Variants in ADGRB3 observed in about 807,000 individuals in gnomAD.
The protein encoded by ADGRB3 is adhesion G protein-coupled receptor B3.
A neutral mutation model predicts 193.4 loss-of-function variants in ADGRB3; 37 were observed. That is an observed-to-expected ratio of 0.19 (90% confidence interval 0.15 to 0.25). The LOEUF is 0.25. Ranked by LOEUF, ADGRB3 falls within the 10% of genes least tolerant of loss-of-function variation. The probability of loss-of-function intolerance (pLI) is 1.00; values close to 1 mark genes in which losing one functional copy is unlikely to be tolerated. For missense variants in ADGRB3, 1,637 were observed against 1,852.9 expected (o/e 0.88, Z 2.14); for synonymous variants, 690 against 644.2 (o/e 1.07, Z -1.08).
At chr6:68,990,998 T>C (rs1769221992) in intron 10 of ADGRB3, among the ~76,000 whole-genome samples, 1 of 152,238 alleles carries the variant, frequency 6.6e-6, no homozygotes, top group South Asian at 2.1e-4. Context: ...TCACCCTTCA[T>C]GCATATCCTG....
At chr6:68,665,059 C>T (rs868217257) in intron 3 of ADGRB3, among the ~76,000 whole-genome samples, 1 of 151,782 alleles carries the variant, frequency 6.6e-6, no homozygotes, top group African/African-American at 2.4e-5. Context: ...CAGGCTTCAC[C>T]TTCAGCCTTC....
At chr6:69,247,939 G>A (rs1371676556) in intron 20 of ADGRB3, among the ~76,000 whole-genome samples, 1 of 152,036 alleles carries the variant, frequency 6.6e-6, no homozygotes, top group African/African-American at 2.4e-5. Context: ...TGATATAAGG[G>A]AGTTGAAGAA....
chr6:68,694,136 A>G (rs1765120463), intron 3 of ADGRB3, among the ~76,000 whole-genome samples: 1 of 152,002 alleles, frequency 6.6e-6, no homozygotes, highest in Non-Finnish European at 1.5e-5. Flanking sequence ...CCAGGAACAC[A>G]TGGTGGCATC....
At chr6:69,119,628 C>A (rs907109296) in intron 17 of ADGRB3, among the ~76,000 whole-genome samples, 5 of 151,798 alleles carry the variant, frequency 3.3e-5, no homozygotes, top group Admixed American at 2.0e-4. Context: ...GAAGAGCATT[C>A]CAGGAAGAAG....
At position 69,048,290 on chromosome 6, in the gene ADGRB3, G is replaced by A. The variant is rs1284175832; in HGVS notation, c.2213G>A (p.Arg738Lys). The change falls in exon 14 of 32, where the codon AGG becomes AAG. Residue 738 changes from arginine to lysine, a missense_variant. Transcript: ENST00000370598. Reference protein sequence around the residue: ...MVDWARNSEDRVVIPKSIFTP... With the variant: ...MVDWARNSEDKVVIPKSIFTP... ...GACTGGGCAAGAAACTCAGAAGATAGGGTAGTAATTCCAAAAAGCATTTTC... is the reference window on the plus strand; with the variant it reads ...GACTGGGCAAGAAACTCAGAAGATAAGGTAGTAATTCCAAAAAGCATTTTC... 6.2e-7 allele frequency: 1 copy of A among 1,613,596 alleles called. No homozygotes were observed. Among genetic ancestry groups the A allele is most frequent in the Admixed American group, 1.7e-5 (1 of 59,996 alleles).
chr6:68,727,866 A>G (rs540816273), intron 3 of ADGRB3, among the ~76,000 whole-genome samples: 7 of 151,710 alleles, frequency 4.6e-5, no homozygotes, highest in African/African-American at 1.7e-4. Context: ...AATCGTTCTC[A>G]TCCTCAATCA....
intron 24 of ADGRB3, among the ~76,000 whole-genome samples, chr6:69,333,365 G>A (rs940967707): frequency 1.3e-5 from 2 of 152,148 alleles, no homozygotes; most frequent in African/African-American, 4.8e-5. Context: ...ATTGAACACA[G>A]TGTTGGTATG....
At chr6:69,346,183 A>G (rs111857502) in intron 26 of ADGRB3, among the ~76,000 whole-genome samples, 19,397 of 152,254 alleles carry the variant, frequency 0.13, 1,319 homozygotes, top group Middle Eastern at 0.3. Context: ...TATAGATTCA[A>G]TGCTATCCCT....
intron 17 of ADGRB3, among the ~76,000 whole-genome samples, chr6:69,157,602 A>G (rs2150343431): frequency 6.6e-6 from 1 of 151,948 alleles, no homozygotes; most frequent in African/African-American, 2.4e-5. Context: ...GGGAACATGT[A>G]TGTGTGGCAG....
intron 27 of ADGRB3, 33 bp from the exon 28 acceptor site, chr6:69,355,788 G>A: frequency 6.4e-7 from 1 of 1,563,700 alleles, no homozygotes; most frequent in South Asian, 1.1e-5. Context: ...TTCATTAAAT[G>A]ATGGTTCTAT....
chr6:69,174,410 C>T (rs1179926499), intron 17 of ADGRB3, among the ~76,000 whole-genome samples: 1 of 152,168 alleles, frequency 6.6e-6, no homozygotes, highest in Non-Finnish European at 1.5e-5. Context: ...GCTACATTCA[C>T]GTTGCTGCAA....
Position 68,917,128 on chromosome 6 carries a change from A to G in ADGRB3, c.758-13431A>G, listed in dbSNP as rs572561683. Among the ~76,000 whole-genome samples, 19 of 152,244 alleles carry G rather than the reference A, an allele frequency of 1.2e-4. No homozygotes were observed. In the East Asian group the frequency reaches 3.7e-3, roughly 29 times the overall value. On this transcript the variant is annotated intron_variant, in intron 3 of 31. Coordinates refer to ENST00000370598, the MANE Select transcript of ADGRB3 (RefSeq NM_001704.3). Reference sequence around the variant, plus strand: ...TCTACCACTGATTTTACAGATTTGGAAAAGCTTTGGATAGGGATATGATGG... The same window carrying G: ...TCTACCACTGATTTTACAGATTTGGGAAAGCTTTGGATAGGGATATGATGG...
rs1766028159 is a variant in ADGRB3, at chr6:68,889,993, CAATT to C, written c.758-40561_758-40558del. ...GTTGTAAAACTCTATACATGGCCAACAATTAATTTTGAATTTCAAAATATTTCAA... is the reference window on the plus strand; with the variant it reads ...GTTGTAAAACTCTATACATGGCCAACAATTTTGAATTTCAAAATATTTCAA... On this transcript the variant is annotated intron_variant, in intron 3 of 31. Coordinates refer to ENST00000370598, the MANE Select transcript of ADGRB3 (RefSeq NM_001704.3). 2.0e-5 allele frequency among the ~76,000 whole-genome samples: 3 copies of C among 152,064 alleles called. No individual in the cohort carries two copies. In the South Asian group the frequency reaches 6.2e-4, roughly 32 times the overall value.
intron 20 of ADGRB3, among the ~76,000 whole-genome samples, chr6:69,285,708 T>G (rs1252091442): frequency 6.6e-6 from 1 of 151,908 alleles, no homozygotes; most frequent in Non-Finnish European, 1.5e-5. Flanking sequence ...AGTACTATCA[T>G]TGTGGCAGTC....
rs114436872 is a variant in ADGRB3, at chr6:68,958,605, G to A, written c.1525+1796G>A. Among the ~76,000 whole-genome samples, 1,459 of 152,076 alleles carry A rather than the reference G, an allele frequency of 9.6e-3. 23 individuals are homozygous for A. Among genetic ancestry groups the A allele is most frequent in the African/African-American group, 0.033 (1,386 of 41,496 alleles). Reference sequence around the variant, plus strand: ...TACAGATCTATTTATGAAAAAGATAGTGTACCTTATTTGCCGGGCTTGTTT... The same window carrying A: ...TACAGATCTATTTATGAAAAAGATAATGTACCTTATTTGCCGGGCTTGTTT... On this transcript the variant is annotated intron_variant, in intron 8 of 31. Coordinates refer to ENST00000370598, the MANE Select transcript of ADGRB3 (RefSeq NM_001704.3).
intron 20 of ADGRB3, among the ~76,000 whole-genome samples, chr6:69,258,557 G>A (rs1400358380): frequency 1.3e-5 from 2 of 152,166 alleles, no homozygotes; most frequent in African/African-American, 2.4e-5. Context: ...AAAATGTTAG[G>A]GCTTACAGCC....
chr6:69,380,427 T>C lies in ADGRB3; in HGVS notation c.4276-2404T>C, dbSNP rs78882479. ...AAACAAAAATTATCAGATGCTCATC[T>C]CAAAATAAGGGTGCCGTGCCTTTGG... On this transcript the variant is annotated intron_variant, in intron 30 of 31. Transcript: ENST00000370598. Among the ~76,000 whole-genome samples the C allele has an allele frequency of 1.4e-3, 208 of 152,062 alleles. 7 individuals carry two copies. In the East Asian group the frequency reaches 0.037, roughly 27 times the overall value.
rs186021782 is a variant in ADGRB3 at position 69,149,102 on chromosome 6, G to A, written c.2480+73064G>A. The stretch of plus-strand genomic sequence containing the variant: ...TTTCACTAGGATTGGGAAGTTCTCT[G>A]TTATTATCCTTTTGAATAAACTTTC... On this transcript the variant is annotated intron_variant, in intron 17 of 31. Transcript: ENST00000370598. Among the ~76,000 whole-genome samples, 33 of 152,146 alleles carry A rather than the reference G, an allele frequency of 2.2e-4. No individual in the cohort carries two copies. The East Asian group carries it at 6.4e-3, about 29-fold the overall frequency.
At chr6:68,681,547 T>C (rs1310662162) in intron 3 of ADGRB3, among the ~76,000 whole-genome samples, 1 of 152,160 alleles carries the variant, frequency 6.6e-6, no homozygotes, top group Non-Finnish European at 1.5e-5. Flanking sequence ...CCCAAAGTGC[T>C]GAGATTACAG....
Sources: gnomAD v4.1 joint callset for allele counts (sites outside exome capture counted in the v4.1 genomes callset) on GRCh38, gnomAD v4.1.1 for gene constraint, MANE v1.5 for transcripts, NCBI Gene and HGNC (gene_info 2026-07-23, HGNC 2026-07-21) for gene names.